Variants in COPS7B observed in about 807,000 individuals in gnomAD.
COPS7B encodes COP9 signalosome complex subunit 7b.
In COPS7B, 9 loss-of-function variants were observed where a neutral mutation model predicts 33.4. The observed-to-expected ratio is 0.27, with a 90% confidence interval of 0.16 to 0.47. COPS7B has a LOEUF of 0.47. Ranked by LOEUF, COPS7B falls within the 20% of genes least tolerant of loss-of-function variation. The pLI is 0.99. For missense variants in COPS7B, 242 were observed against 318.2 expected (o/e 0.76, Z 1.82); for synonymous variants, 119 against 126.3 (o/e 0.94, Z 0.39).
intron 6 of COPS7B, chr2:231,801,231 TC>T: frequency 6.5e-7 from 1 of 1,550,258 alleles, no homozygotes; most frequent in Non-Finnish European, 8.7e-7. Flanking sequence ...TTAAGAGCCC[TC>T]CTTCTTAATG....
chr2:231,801,503 G>A lies in COPS7B; in HGVS notation c.636+2539G>A, dbSNP rs766361268. On this transcript the variant is annotated intron_variant, in intron 6 of 6. Coordinates refer to ENST00000350033, the MANE Select transcript of COPS7B (RefSeq NM_022730.4). ...GCTGGAGTGCATGGAGTGCAGTGGT[G>A]CAAACACAGCTCGCTGCACCCTCAA... Among the ~76,000 whole-genome samples, 3 of 152,118 alleles carry A rather than the reference G, an allele frequency of 2.0e-5. No individual in the cohort carries two copies. In the South Asian group the frequency reaches 6.2e-4, roughly 32 times the overall value.
intron 5 of COPS7B, among the ~76,000 whole-genome samples, chr2:231,796,746 C>G (rs1465862928): frequency 6.6e-6 from 1 of 152,066 alleles, no homozygotes; most frequent in Non-Finnish European, 1.5e-5. Context: ...TTATAAGATT[C>G]TTCGGATAAA....
chr2:231,786,862 G>C (rs2106305026), intron 1 of COPS7B, among the ~76,000 whole-genome samples: 1 of 152,334 alleles, frequency 6.6e-6, no homozygotes, highest in African/African-American at 2.4e-5. Context: ...TCCGCTCTGT[G>C]CCTAGCCTCT....
chr2:231,799,235 T>C (rs1260639109), intron 6 of COPS7B, among the ~76,000 whole-genome samples: 1 of 152,190 alleles, frequency 6.6e-6, no homozygotes, highest in African/African-American at 2.4e-5. Flanking sequence ...ACATGTACTT[T>C]GCAGCTATAG....
chr2:231,781,709 A>C, upstream of COPS7B: 2 of 803,374 alleles, frequency 2.5e-6, no homozygotes, highest in South Asian at 1.6e-5. Flanking sequence ...TGTAACTTAG[A>C]CTCCAGTGTG....
chr2:231,806,916 C>T (rs890810031), intron 6 of COPS7B, among the ~76,000 whole-genome samples: 1 of 152,216 alleles, frequency 6.6e-6, no homozygotes, highest in African/African-American at 2.4e-5. Flanking sequence ...CAGAGGATAT[C>T]TGTTCTGACG....
upstream of COPS7B, among the ~76,000 whole-genome samples, chr2:231,783,297 T>C (rs2049171752): frequency 6.6e-6 from 1 of 152,202 alleles, no homozygotes; most frequent in Non-Finnish European, 1.5e-5. Context: ...GGAGAGGAAT[T>C]GCTAGTGTGT....
intron 6 of COPS7B, among the ~76,000 whole-genome samples, chr2:231,800,512 A>G (rs1190486567): frequency 1.3e-5 from 2 of 152,230 alleles, no homozygotes; most frequent in Admixed American, 6.5e-5. Context: ...ACAAAGATGA[A>G]TGATACTTGT....
intron 6 of COPS7B, among the ~76,000 whole-genome samples, chr2:231,802,026 C>T (rs924808256): frequency 5.9e-5 from 9 of 152,144 alleles, no homozygotes; most frequent in African/African-American, 2.2e-4. Flanking sequence ...CCGCCTGCCT[C>T]GGTCTCCCAA....
chr2:231,786,829 C>T (rs561575602), intron 1 of COPS7B, among the ~76,000 whole-genome samples: 1 of 152,342 alleles, frequency 6.6e-6, no homozygotes, highest in South Asian at 2.1e-4. Flanking sequence ...CCAAATAGCG[C>T]CCTCCCCTGA....
chr2:231,794,374 G>T, intron 4 of COPS7B, 23 bp downstream of exon 4: 2 of 1,591,494 alleles, frequency 1.3e-6, no homozygotes, highest in Non-Finnish European at 8.6e-7. Context: ...GCCTTCTCTT[G>T]TCTTCCTCCT....
chr2:231,792,242 A>T (rs780038534), intron 3 of COPS7B: 1 of 362,218 alleles, frequency 2.8e-6, no homozygotes, highest in Non-Finnish European at 5.5e-6. Flanking sequence ...CTGTAATCCC[A>T]GCACTTTGGG....
chr2:231,801,377 T>C, intron 6 of COPS7B: 1 of 837,790 alleles, frequency 1.2e-6, no homozygotes. Context: ...GAGGAAGCAC[T>C]GTGGTGGGGA....
chr2:231,788,486 C>T, intron 1 of COPS7B, 69 bp from the exon 2 acceptor site: 1 of 1,418,954 alleles, frequency 7.0e-7, no homozygotes, highest in Non-Finnish European at 9.7e-7. Context: ...GTGTTTGATT[C>T]AGCACTGAAT....
At chr2:231,798,065 G>A (rs552062509) in intron 5 of COPS7B, among the ~76,000 whole-genome samples, 12 of 150,448 alleles carry the variant, frequency 8.0e-5, no homozygotes, top group African/African-American at 2.4e-4. Context: ...TTTTGTATTT[G>A]TAGTAGAGAC....
At chr2:231,783,674 T>C (rs1254772592), upstream of COPS7B, among the ~76,000 whole-genome samples, 2 of 152,228 alleles carry the variant, frequency 1.3e-5, no homozygotes, top group Non-Finnish European at 2.9e-5. Flanking sequence ...TTTGCAGATA[T>C]CTTTTCCAAG....
intron 6 of COPS7B, among the ~76,000 whole-genome samples, chr2:231,800,255 A>T (rs1180280154): frequency 6.6e-6 from 1 of 152,248 alleles, no homozygotes; most frequent in Non-Finnish European, 1.5e-5. Context: ...GGAAGTGTTA[A>T]CTATATTTAA....
chr2:231,785,525 T>C (rs1001145647), upstream of COPS7B, among the ~76,000 whole-genome samples: 2 of 152,182 alleles, frequency 1.3e-5, no homozygotes, highest in Non-Finnish European at 2.9e-5. Context: ...ATTTAACACA[T>C]TGGAGCTTTT....
intron 1 of COPS7B, among the ~76,000 whole-genome samples, chr2:231,788,038 T>C (rs1210021538): frequency 6.6e-6 from 1 of 152,076 alleles, no homozygotes; most frequent in East Asian, 1.9e-4. Flanking sequence ...TTTTACAAAG[T>C]GTGTTTCAAA....
Sources: allele counts gnomAD v4.1 joint callset (sites outside exome capture counted in the v4.1 genomes callset), GRCh38; gene constraint gnomAD v4.1.1; transcripts MANE v1.5; gene names NCBI Gene and HGNC (gene_info 2026-07-23, HGNC 2026-07-21).